MDGA2: variants seen among roughly 807,000 people sequenced by gnomAD.
MDGA2 encodes MAM domain-containing glycosylphosphatidylinositol anchor protein 2.
MDGA2 carries 40 observed loss-of-function variants against 117.8 expected under a neutral mutation model. The observed-to-expected ratio is 0.34, with a 90% confidence interval of 0.26 to 0.44. The LOEUF is 0.44. Ranked by LOEUF, MDGA2 falls within the 20% of genes least tolerant of loss-of-function variation. The pLI is 1.00. For missense variants in MDGA2, 1,123 were observed against 1,250.6 expected, an observed-to-expected ratio of 0.90 and a Z score of 1.54; for synonymous variants, 452 against 439.0, an observed-to-expected ratio of 1.03 and a Z score of -0.37.
chr14:47,153,872 C>G (rs1408224456), intron 3 of MDGA2, among the ~76,000 whole-genome samples: 1 of 152,086 alleles, frequency 6.6e-6, no homozygotes, highest in Admixed American at 6.5e-5. Flanking sequence ...GAAAAGACAA[C>G]AGAACTGGAA....
At chr14:46,900,491 TG>T (rs1334060047) in intron 10 of MDGA2, among the ~76,000 whole-genome samples, 1 of 152,122 alleles carries the variant, frequency 6.6e-6, no homozygotes, top group Non-Finnish European at 1.5e-5. Flanking sequence ...TTAAACAAAC[TG>T]TAGGACACCC....
At chr14:47,366,544 G>A (rs929424267) in intron 1 of MDGA2, among the ~76,000 whole-genome samples, 1 of 151,878 alleles carries the variant, frequency 6.6e-6, no homozygotes, top group African/African-American at 2.4e-5. Context: ...CCTTCACCTG[G>A]CTACTTTTAC....
At chr14:47,234,629 C>T (rs1029937894) in intron 2 of MDGA2, among the ~76,000 whole-genome samples, 1 of 152,044 alleles carries the variant, frequency 6.6e-6, no homozygotes, top group African/African-American at 2.4e-5. Flanking sequence ...TATCAGGCCA[C>T]AGGAAATGAC....
At chr14:46,929,770 C>T (rs1199743280) in intron 9 of MDGA2, among the ~76,000 whole-genome samples, 1 of 148,632 alleles carries the variant, frequency 6.7e-6, no homozygotes, top group Non-Finnish European at 1.5e-5. Flanking sequence ...CCTACTTCAG[C>T]CTCCAGGGTA....
rs141889913 is a variant in MDGA2 at position 47,291,030 on chromosome 14, C to A, written c.420+10381G>T. ...AGAAAGCTTAGTCTTGCTCCAAAAT[C>A]TAAAGTTCTGTGCTGTGATTCTCTT... On this transcript the variant is annotated intron_variant, in intron 2 of 16. Coordinates refer to ENST00000399232, the MANE Select transcript of MDGA2 (RefSeq NM_001113498.3). Among the ~76,000 whole-genome samples, 34 of 152,256 alleles carry A rather than the reference C, an allele frequency of 2.2e-4. No homozygotes were observed. In the East Asian group the frequency reaches 3.5e-3, roughly 16 times the overall value.
chr14:47,505,133 T>G (rs980151131), intron 1 of MDGA2, among the ~76,000 whole-genome samples: 1 of 152,004 alleles, frequency 6.6e-6, no homozygotes, highest in African/African-American at 2.4e-5. Flanking sequence ...ATCTCACTCA[T>G]ATGTGGAATC....
At chr14:47,424,482 G>A (rs1892644735) in intron 1 of MDGA2, among the ~76,000 whole-genome samples, 1 of 151,662 alleles carries the variant, frequency 6.6e-6, no homozygotes, top group African/African-American at 2.4e-5. Context: ...AGCACTCTTT[G>A]TAATACTCCA....
At chr14:47,260,368 T>C (rs1233293968) in intron 2 of MDGA2, among the ~76,000 whole-genome samples, 1 of 151,990 alleles carries the variant, frequency 6.6e-6, no homozygotes, top group Non-Finnish European at 1.5e-5. Context: ...AAAGGTGACA[T>C]AAGAGAAGTG....
At chr14:47,653,389 G>A (rs1897681055) in intron 1 of MDGA2, among the ~76,000 whole-genome samples, 1 of 152,050 alleles carries the variant, frequency 6.6e-6, no homozygotes, top group African/African-American at 2.4e-5. Flanking sequence ...ATCAGAGGAA[G>A]GTAAGTGAAA....
intron 7 of MDGA2, among the ~76,000 whole-genome samples, chr14:47,049,664 G>C (rs76409377): frequency 0.02 from 3,018 of 152,068 alleles, 105 homozygotes; most frequent in African/African-American, 0.068. Flanking sequence ...CACAGTTCAA[G>C]ATTGATTGAA....
intron 3 of MDGA2, among the ~76,000 whole-genome samples, chr14:47,207,021 C>T (rs957139305): frequency 6.6e-6 from 1 of 152,002 alleles, no homozygotes; most frequent in African/African-American, 2.4e-5. Context: ...GATAACATCA[C>T]TTTGATTTTG....
chr14:47,063,390 T>C (rs1889963355), intron 6 of MDGA2, among the ~76,000 whole-genome samples: 2 of 152,032 alleles, frequency 1.3e-5, no homozygotes, highest in Non-Finnish European at 2.9e-5. Flanking sequence ...TACATTTTGG[T>C]ATTCTGTTAC....
At chr14:47,637,540 A>C (rs552633114) in intron 1 of MDGA2, among the ~76,000 whole-genome samples, 6 of 152,322 alleles carry the variant, frequency 3.9e-5, no homozygotes, top group Admixed American at 3.3e-4. Flanking sequence ...ATCCTGGTGA[A>C]ACTTCAAGGA....
chr14:47,363,450 G>T (rs530133600), intron 1 of MDGA2, among the ~76,000 whole-genome samples: 103 of 151,962 alleles, frequency 6.8e-4, no homozygotes, highest in Non-Finnish European at 8.8e-4. Context: ...TAGAGGTGGG[G>T]TTTCACCATG....
intron 1 of MDGA2, among the ~76,000 whole-genome samples, chr14:47,546,028 T>C (rs1895455794): frequency 6.6e-6 from 1 of 152,064 alleles, no homozygotes; most frequent in South Asian, 2.1e-4. Context: ...AATGGTGGAA[T>C]GGAGAAAAAA....
intron 8 of MDGA2, among the ~76,000 whole-genome samples, chr14:47,006,497 A>G (rs1887717109): frequency 2.0e-5 from 3 of 149,544 alleles, no homozygotes; most frequent in Non-Finnish European, 4.5e-5. Context: ...AAGAGTGAAC[A>G]GAATTCCAGT....
At chr14:46,908,920 G>A (rs1043331622) in intron 10 of MDGA2, among the ~76,000 whole-genome samples, 1 of 152,144 alleles carries the variant, frequency 6.6e-6, no homozygotes, top group Non-Finnish European at 1.5e-5. Flanking sequence ...TAATGAACAT[G>A]TGGGAAATGT....
chr14:47,494,213 AG>A (rs1204269310), intron 1 of MDGA2, among the ~76,000 whole-genome samples: 2 of 152,208 alleles, frequency 1.3e-5, no homozygotes, highest in African/African-American at 4.8e-5. Flanking sequence ...TAAATTGCCC[AG>A]TCTTGGAAAG....
chr14:47,496,704 T>A (rs911690694), intron 1 of MDGA2, among the ~76,000 whole-genome samples: 1 of 150,952 alleles, frequency 6.6e-6, no homozygotes, highest in African/African-American at 2.4e-5. Flanking sequence ...ATAATATATA[T>A]ATTACTGAGC....
Sources: allele counts gnomAD v4.1 joint callset (sites outside exome capture counted in the v4.1 genomes callset), GRCh38; gene constraint gnomAD v4.1.1; transcripts MANE v1.5; gene names NCBI Gene and HGNC (gene_info 2026-07-23, HGNC 2026-07-21).